Variants in PLD5 observed in about 807,000 individuals in gnomAD.
PLD5 encodes the protein inactive phospholipase D5.
Under a neutral mutation model 61.1 loss-of-function variants are expected in PLD5, and 36 were observed. That is an observed-to-expected ratio of 0.59 (90% CI 0.45 to 0.78). The LOEUF is 0.78. Among genes scored for constraint, PLD5 ranks in the 30% least tolerant of loss-of-function variants. The probability of loss-of-function intolerance (pLI) is 0.00; values close to 1 mark genes in which losing one functional copy is unlikely to be tolerated. For missense variants in PLD5, 515 were observed against 644.4 expected (o/e 0.80, Z 2.17); for synonymous variants, 243 against 242.8 (o/e 1.00, Z -0.01).
intron 4 of PLD5, among the ~76,000 whole-genome samples, chr1:242,233,154 AAATGAATGAATG>A (rs55916345): frequency 2.7e-4 from 41 of 149,962 alleles, no homozygotes; most frequent in African/African-American, 4.7e-4. Context: ...ATTCTGACTC[AAATGAATGAATG>A]AATGAATGAA....
chr1:242,393,512 A>ATATATATGTGTATATATGAG (rs1558523948), intron 1 of PLD5, among the ~76,000 whole-genome samples: 74 of 738 alleles, frequency 0.1, 19 homozygotes, highest in South Asian at 0.5. Flanking sequence ...ATATATGAGT[A>ATATATATGTGTATATATGAG]TATATATATG....
intron 6 of PLD5, among the ~76,000 whole-genome samples, chr1:242,115,675 G>C (rs1375142835): frequency 7.6e-6 from 1 of 131,318 alleles, no homozygotes; most frequent in East Asian, 2.2e-4. Context: ...AAAAATCTTG[G>C]AGTTTTTTTC....
intron 5 of PLD5, among the ~76,000 whole-genome samples, chr1:242,138,805 G>T (rs1191673366): frequency 1.3e-5 from 2 of 152,168 alleles, no homozygotes; most frequent in Admixed American, 1.3e-4. Context: ...TCTGGGGAAA[G>T]AGTCTTTACA....
At chr1:242,236,466 A>G (rs1004283567) in intron 4 of PLD5, among the ~76,000 whole-genome samples, 4 of 152,176 alleles carry the variant, frequency 2.6e-5, no homozygotes. Context: ...AGCTCTGTCT[A>G]GTGTCTAGCG....
At chr1:242,495,371 T>C (rs1249884690) in intron 1 of PLD5, among the ~76,000 whole-genome samples, 1 of 151,988 alleles carries the variant, frequency 6.6e-6, no homozygotes, top group Non-Finnish European at 1.5e-5. Context: ...TTGTTTGTTT[T>C]CCAAACAGAG....
At chr1:242,136,212 G>C (rs1663714744) in intron 5 of PLD5, among the ~76,000 whole-genome samples, 1 of 152,192 alleles carries the variant, frequency 6.6e-6, no homozygotes, top group Non-Finnish European at 1.5e-5. Flanking sequence ...CTAACTGATA[G>C]TTTGTTCACC....
intron 5 of PLD5, among the ~76,000 whole-genome samples, chr1:242,163,997 A>G (rs1202584649): frequency 6.6e-6 from 1 of 152,042 alleles, no homozygotes; most frequent in Non-Finnish European, 1.5e-5. Flanking sequence ...CAATTCCTTA[A>G]TTTTGGCAAA....
intron 4 of PLD5, among the ~76,000 whole-genome samples, chr1:242,239,098 C>G (rs1671827385): frequency 6.6e-6 from 1 of 152,162 alleles, no homozygotes; most frequent in Non-Finnish European, 1.5e-5. Flanking sequence ...TTTCTTTGTA[C>G]TGTAGTCACT....
intron 4 of PLD5, among the ~76,000 whole-genome samples, chr1:242,264,462 G>C (rs1226632260): frequency 5.3e-5 from 8 of 152,134 alleles, no homozygotes; most frequent in Admixed American, 5.2e-4. Context: ...GGCCGCTGGG[G>C]CTCACTTATT....
chr1:242,362,064 G>A (rs1242005923), intron 1 of PLD5, among the ~76,000 whole-genome samples: 1 of 150,778 alleles, frequency 6.6e-6, no homozygotes, highest in Non-Finnish European at 1.5e-5. Flanking sequence ...AAAGATAAAT[G>A]TACAAAAATT....
In PLD5 at chr1:242,342,538, G is replaced by A. The variant is rs536447264; in HGVS notation, c.326+5568C>T. On this transcript the variant is annotated intron_variant, in intron 2 of 9. Transcript: ENST00000536534. ...TTGCAAAATAGCCAAGTCACAGGATGCATGCAACCTAAACTAGCAGTTTGA... is the reference window on the plus strand; with the variant it reads ...TTGCAAAATAGCCAAGTCACAGGATACATGCAACCTAAACTAGCAGTTTGA... Among the ~76,000 whole-genome samples the A allele has an allele frequency of 2.6e-5, 4 of 152,318 alleles. No homozygotes were observed. In the South Asian group the frequency reaches 6.2e-4, roughly 24 times the overall value.
intron 1 of PLD5, among the ~76,000 whole-genome samples, chr1:242,395,019 A>ATATGTATATATGAATG (rs2149271829): frequency 7.8e-6 from 1 of 127,868 alleles, no homozygotes; most frequent in African/African-American, 3.2e-5. Flanking sequence ...ATATATGAAT[A>ATATGTATATATGAATG]TATATGTATA....
At chr1:242,419,304 A>G (rs1319547709) in intron 1 of PLD5, among the ~76,000 whole-genome samples, 1 of 151,494 alleles carries the variant, frequency 6.6e-6, no homozygotes, top group African/African-American at 2.4e-5. Context: ...CATGGCAAAG[A>G]CTCGTCGCAT....
chr1:242,265,938 G>C (rs1201870504), intron 3 of PLD5, among the ~76,000 whole-genome samples: 4 of 152,190 alleles, frequency 2.6e-5, no homozygotes, highest in Non-Finnish European at 5.9e-5. Context: ...TTAATAGTAA[G>C]CATTCTTTAA....
At chr1:242,524,854 C>A (rs888513690), upstream of PLD5, among the ~76,000 whole-genome samples, 3 of 151,748 alleles carry the variant, frequency 2.0e-5, no homozygotes, top group Non-Finnish European at 4.4e-5. Context: ...GCCGCGCTCC[C>A]GCTCCGCACC....
chr1:242,233,243 G>C (rs935774115), intron 4 of PLD5, among the ~76,000 whole-genome samples: 9 of 152,286 alleles, frequency 5.9e-5, no homozygotes, highest in African/African-American at 7.2e-5. Flanking sequence ...AAGAAAATTA[G>C]GTCATTCTTT....
intron 1 of PLD5, among the ~76,000 whole-genome samples, chr1:242,458,221 T>C (rs1667003126): frequency 6.6e-6 from 1 of 152,226 alleles, no homozygotes; most frequent in Non-Finnish European, 1.5e-5. Context: ...TCAACTTGTC[T>C]TCAAATGCTG....
chr1:242,447,898 G>A lies in PLD5; in HGVS notation c.189+76190C>T, dbSNP rs555081352. Among the ~76,000 whole-genome samples the A allele has an allele frequency of 7.9e-5, 12 of 152,248 alleles. No homozygotes were observed. The East Asian group carries it at 9.7e-4, about 12-fold the overall frequency. ...CGAGAGGGACTCTGCATTTCAGCCC[G>A]GTCCTTTATAATCCTTAAAGGAATG... On this transcript the variant is annotated intron_variant, in intron 1 of 9. Transcript: ENST00000536534.
chr1:242,335,123 AT>A (rs909963018), intron 2 of PLD5, among the ~76,000 whole-genome samples: 8 of 151,608 alleles, frequency 5.3e-5, no homozygotes, highest in Non-Finnish European at 8.8e-5. Flanking sequence ...CTGTTATCCT[AT>A]TTTTTTGTCA....
Sources: gnomAD v4.1 joint callset for allele counts (sites outside exome capture counted in the v4.1 genomes callset) on GRCh38, gnomAD v4.1.1 for gene constraint, MANE v1.5 for transcripts, NCBI Gene and HGNC (gene_info 2026-07-23, HGNC 2026-07-21) for gene names.